The following NTRK2 variants were observed in gnomAD, a reference collection of about 807,000 sequenced individuals.
NTRK2 encodes the protein BDNF/NT-3 growth factors receptor.
NTRK2 carries 13 observed loss-of-function variants against 94.5 expected under a neutral mutation model. The observed-to-expected ratio is 0.14, with a 90% CI of 0.09 to 0.22. The LOEUF (loss-of-function observed/expected upper bound fraction) is 0.22. NTRK2 is among the 10% of genes least tolerant of loss of function. The probability of loss-of-function intolerance (pLI) is 1.00; values close to 1 mark genes in which losing one functional copy is unlikely to be tolerated. For synonymous variants in NTRK2, 372 were observed against 407.4 expected, an observed-to-expected ratio of 0.91 and a Z score of 1.05; for missense variants, 639 against 1,071.2, an observed-to-expected ratio of 0.60 and a Z score of 5.63.
chr9:84,991,297 G>A (rs972740723), intron 17 of NTRK2, among the ~76,000 whole-genome samples: 7 of 152,160 alleles, frequency 4.6e-5, no homozygotes, highest in South Asian at 4.1e-4. Context: ...TCTTGTTAAC[G>A]AGACAAGGAC....
At chr9:84,955,613 G>A (rs1432465469) in intron 17 of NTRK2, 96 bp downstream of exon 17, 1 of 1,039,296 alleles carries the variant, frequency 9.6e-7, no homozygotes, top group Non-Finnish European at 1.5e-6. Context: ...AAAATATCAT[G>A]ACTGGGTGGC....
At chr9:84,703,572 C>T (rs904120108) in intron 4 of NTRK2, among the ~76,000 whole-genome samples, 1 of 152,146 alleles carries the variant, frequency 6.6e-6, no homozygotes, top group African/African-American at 2.4e-5. Flanking sequence ...AACTGATTTC[C>T]ATGCCAGTTA....
intron 12 of NTRK2, among the ~76,000 whole-genome samples, chr9:84,820,004 C>A (rs2072683279): frequency 6.6e-6 from 1 of 152,062 alleles, no homozygotes; most frequent in South Asian, 2.1e-4. Flanking sequence ...TCCATCAAAT[C>A]TCTTCCAACT....
chr9:84,699,493 T>C (rs2060588586), intron 2 of NTRK2, among the ~76,000 whole-genome samples: 1 of 152,218 alleles, frequency 6.6e-6, no homozygotes, highest in Non-Finnish European at 1.5e-5. Context: ...TTGAATGGTT[T>C]TCAGCAAAAT....
At chr9:84,844,929 G>A (rs1377714698) in intron 12 of NTRK2, among the ~76,000 whole-genome samples, 3 of 151,782 alleles carry the variant, frequency 2.0e-5, no homozygotes, top group Non-Finnish European at 2.9e-5. Flanking sequence ...CCTCAAGAAT[G>A]GCCATAATTT....
intron 4 of NTRK2, among the ~76,000 whole-genome samples, chr9:84,707,546 A>G (rs181143747): frequency 1.5e-3 from 226 of 152,290 alleles, no homozygotes; most frequent in African/African-American, 5.2e-3. Flanking sequence ...CAGGGTTTCT[A>G]TAAGATATAT....
chr9:84,826,532 C>G (rs2131622681), intron 12 of NTRK2, among the ~76,000 whole-genome samples: 1 of 152,320 alleles, frequency 6.6e-6, no homozygotes, highest in Non-Finnish European at 1.5e-5. Context: ...ATGTAACCCA[C>G]TACCTGGAGA....
intron 14 of NTRK2, among the ~76,000 whole-genome samples, chr9:84,907,942 G>C (rs1222094857): frequency 6.6e-6 from 1 of 152,150 alleles, no homozygotes. Context: ...TTTTGGACCA[G>C]GAGATGTCCC....
intron 9 of NTRK2, among the ~76,000 whole-genome samples, chr9:84,728,492 G>A (rs918097321): frequency 6.6e-6 from 1 of 152,126 alleles, no homozygotes; most frequent in African/African-American, 2.4e-5. Context: ...ATGAGATTTT[G>A]TACCCACAAT....
chr9:85,022,542 C>CT lies in NTRK2; in HGVS notation c.*1109dup, dbSNP rs1404918539. On this transcript the variant is annotated 3_prime_UTR_variant, in exon 19 of 19. Transcript: ENST00000277120. ...AAGCTATAAATTCGGAGGCAAGTTTCTTTTACAATGAACTTTTCAGATCTC... is the reference window on the plus strand; with the variant it reads ...AAGCTATAAATTCGGAGGCAAGTTTCTTTTTACAATGAACTTTTCAGATCTC... 2 of 233,098 alleles carry CT rather than the reference C, an allele frequency of 8.6e-6. No homozygotes were observed. Among genetic ancestry groups the CT allele is most frequent in the Non-Finnish European group, 1.7e-5 (2 of 118,040 alleles). The allele number at this position is 233,098 out of a possible 1,614,324, so 14.4% of individuals were successfully genotyped here.
intron 12 of NTRK2, among the ~76,000 whole-genome samples, chr9:84,780,357 A>ACTCT (rs1382902834): frequency 1.3e-5 from 2 of 152,094 alleles, no homozygotes. Context: ...TAAAATGTTT[A>ACTCT]CTCTCTGGCC....
intron 12 of NTRK2, among the ~76,000 whole-genome samples, chr9:84,807,981 G>T (rs1024530374): frequency 1.3e-5 from 2 of 152,210 alleles, no homozygotes; most frequent in South Asian, 2.1e-4. Context: ...ATTGCAACAG[G>T]CTGGCTTTTC....
intron 14 of NTRK2, among the ~76,000 whole-genome samples, chr9:84,926,975 CT>C (rs1478195209): frequency 6.6e-6 from 1 of 152,172 alleles, no homozygotes; most frequent in Non-Finnish European, 1.5e-5. Flanking sequence ...TTTTAGGAAA[CT>C]CACTTCTTAC....
At chr9:85,015,789 GGAA>G (rs1160803547) in intron 17 of NTRK2, among the ~76,000 whole-genome samples, 1 of 152,172 alleles carries the variant, frequency 6.6e-6, no homozygotes, top group East Asian at 1.9e-4. Context: ...AGGGAGAAAG[GGAA>G]GAAGATCAAA....
chr9:84,796,558 A>G (rs764056509), intron 12 of NTRK2, among the ~76,000 whole-genome samples: 21 of 152,252 alleles, frequency 1.4e-4, no homozygotes, highest in African/African-American at 4.3e-4. Context: ...GGTCAGACAG[A>G]GGTCCTTAGA....
At chr9:84,678,331 T>C (rs1158068824) in intron 2 of NTRK2, among the ~76,000 whole-genome samples, 2 of 152,250 alleles carry the variant, frequency 1.3e-5, no homozygotes, top group Non-Finnish European at 2.9e-5. Flanking sequence ...AGAGACCCAC[T>C]GTGTCTATCT....
intron 12 of NTRK2, among the ~76,000 whole-genome samples, chr9:84,789,077 A>G (rs1286589420): frequency 6.6e-6 from 1 of 152,188 alleles, no homozygotes; most frequent in Admixed American, 6.5e-5. Flanking sequence ...GGAGTGGCAA[A>G]GCAGAAAAGC....
chr9:84,964,958 TC>T (rs1825382609), intron 17 of NTRK2, among the ~76,000 whole-genome samples: 1 of 152,246 alleles, frequency 6.6e-6, no homozygotes, highest in South Asian at 2.1e-4. Flanking sequence ...AAGGTTTTTT[TC>T]CTTTTTAATT....
chr9:84,940,958 G>A (rs1391838081), intron 15 of NTRK2, among the ~76,000 whole-genome samples: 1 of 152,108 alleles, frequency 6.6e-6, no homozygotes, highest in East Asian at 1.9e-4. Flanking sequence ...ACATTGGCAT[G>A]TGAAATACTT....
Sources: allele counts gnomAD v4.1 joint callset (sites outside exome capture counted in the v4.1 genomes callset), GRCh38; gene constraint gnomAD v4.1.1; transcripts MANE v1.5; gene names NCBI Gene and HGNC (gene_info 2026-07-23, HGNC 2026-07-21).